HOOK3: variants seen among roughly 807,000 people sequenced by gnomAD.
HOOK3 encodes hook microtubule tethering protein 3, also known as protein Hook homolog 3.
In HOOK3, 24 loss-of-function variants were observed where a neutral mutation model predicts 116.3. That is an observed-to-expected ratio of 0.21 (90% confidence interval 0.15 to 0.29). The LOEUF (loss-of-function observed/expected upper bound fraction) is 0.29. HOOK3 is among the 10% of genes least tolerant of loss of function. The pLI, the probability that HOOK3 is intolerant of heterozygous loss-of-function variation, is 1.00. For missense variants in HOOK3, 632 were observed against 830.2 expected (o/e 0.76, Z 2.93); for synonymous variants, 275 against 283.0 (o/e 0.97, Z 0.28).
At chr8:42,997,857 C>A in intron 16 of HOOK3, 1 of 429,414 alleles carries the variant, frequency 2.3e-6, no homozygotes, top group Admixed American at 3.7e-5. Context: ...AAGTTCATTT[C>A]TAGTTACCAA....
Position 42,897,148 on chromosome 8 carries a change from C to T in HOOK3, c.17C>T (p.Ser6Leu). 8.0e-7 allele frequency: 1 copy of T among 1,248,734 alleles called. No individual in the cohort carries two copies. 77.4% of individuals were successfully genotyped at this position (1,248,734 alleles called of 1,614,324 possible). A position where few individuals can be genotyped will look rare whatever the true frequency, so the allele number is the denominator to read the frequency against. Residue 6 changes from serine to leucine, a missense_variant, in exon 1 of 22, where the codon TCG (serine) becomes TTG (leucine). Ser to Leu is a moderately radical substitution (Grantham distance 145, BLOSUM62 -2). Transcript: ENST00000307602. MFSVE[S>L]LERAELCESL... Reference sequence around the variant, plus strand: ...GCGGGGAAGATGTTCAGCGTAGAGTCGCTGGAGCGGGCGGAGCTGTGCGAG... The same window carrying T: ...GCGGGGAAGATGTTCAGCGTAGAGTTGCTGGAGCGGGCGGAGCTGTGCGAG...
At chr8:42,972,177 C>G (rs1808739251) in intron 11 of HOOK3, among the ~76,000 whole-genome samples, 1 of 151,938 alleles carries the variant, frequency 6.6e-6, no homozygotes, top group Non-Finnish European at 1.5e-5. Context: ...GGATTTTGCT[C>G]TTTCATTAGC....
chr8:43,004,882 A>G (rs187400457), intron 17 of HOOK3, among the ~76,000 whole-genome samples: 2 of 152,220 alleles, frequency 1.3e-5, no homozygotes, highest in Admixed American at 1.3e-4. Context: ...TCTACTATAT[A>G]TATCCAAGAT....
At chr8:42,897,876 A>ACG (rs1271231198) in intron 1 of HOOK3, among the ~76,000 whole-genome samples, 2 of 152,116 alleles carry the variant, frequency 1.3e-5, no homozygotes, top group African/African-American at 2.4e-5. Context: ...GGTCTTCAGG[A>ACG]CGCGGCAGGG....
intron 4 of HOOK3, among the ~76,000 whole-genome samples, chr8:42,937,717 C>A (rs1328491499): frequency 6.6e-6 from 1 of 152,142 alleles, no homozygotes; most frequent in Non-Finnish European, 1.5e-5. Context: ...AGTTTTTAAT[C>A]CTCAGTTCTA....
At chr8:42,915,651 C>T (rs1807519975) in intron 2 of HOOK3, among the ~76,000 whole-genome samples, 1 of 152,172 alleles carries the variant, frequency 6.6e-6, no homozygotes, top group Non-Finnish European at 1.5e-5. Flanking sequence ...AGACTGCTCT[C>T]GAACTGCTGA....
chr8:43,023,279 G>A lies in HOOK3; in HGVS notation c.*4781G>A, dbSNP rs573441485. 51 of 175,728 alleles carry A rather than the reference G, an allele frequency of 2.9e-4. No individual in the cohort carries two copies. Among genetic ancestry groups the A allele is most frequent in the Non-Finnish European group, 4.5e-4 (37 of 82,022 alleles). 10.9% of individuals were successfully genotyped at this position (175,728 alleles called of 1,614,324 possible). A position where few individuals can be genotyped will look rare whatever the true frequency, so the allele number is the denominator to read the frequency against. On this transcript the variant is annotated 3_prime_UTR_variant, in exon 22 of 22. Transcript: ENST00000307602. ...AGTTCTCACAGAAGAATGAAAATCC[G>A]TGCTGTGCAAATAGATCAGTAGTGA...
chr8:43,018,246 C>G (rs895117410), intron 21 of HOOK3, 112 bp from the exon 22 acceptor site: 8 of 986,456 alleles, frequency 8.1e-6, no homozygotes, highest in Non-Finnish European at 1.2e-5. Flanking sequence ...TATTAACATT[C>G]CTAATTGTGC....
chr8:42,976,503 GAAAA>G (rs1481799436), intron 13 of HOOK3, among the ~76,000 whole-genome samples: 1 of 152,024 alleles, frequency 6.6e-6, no homozygotes, highest in African/African-American at 2.4e-5. Flanking sequence ...AAAAGGAAAA[GAAAA>G]GGGCCAATTT....
intron 12 of HOOK3, 73 bp from the exon 13 acceptor site, chr8:42,974,034 G>T: frequency 9.9e-7 from 1 of 1,013,384 alleles, no homozygotes; most frequent in Non-Finnish European, 1.6e-6. Flanking sequence ...ATTCTATTAG[G>T]TAAGGCAGAG....
chr8:42,997,562 A>G lies in HOOK3; in HGVS notation c.1545A>G (p.Gln515=). 6.2e-7 allele frequency: 1 copy of G among 1,604,442 alleles called. No homozygotes were observed. Among genetic ancestry groups the G allele is most frequent in the Non-Finnish European group, 8.5e-7 (1 of 1,174,306 alleles). Residue 515 remains glutamine (Q), a synonymous_variant, in exon 16 of 22, where the codon CAA becomes CAG. Transcript: ENST00000307602. ...ATTTCATTTCTAGGCTGGTGAATCAAAGACTTCTGGAAGTACAGTCACAAG... is the reference window on the plus strand; with the variant it reads ...ATTTCATTTCTAGGCTGGTGAATCAGAGACTTCTGGAAGTACAGTCACAAG... ...ELETENRLVN[Q]RLLEVQSQVE...
In HOOK3 at chr8:42,916,869, C is replaced by T. The variant is rs151145351; in HGVS notation, c.144-8688C>T. ...AAGGTTACTTGGGTCTAAGTCTTTT[C>T]GGCAGCTGTCTTTGCTTTGGCTCAG... is the stretch of plus-strand genomic sequence containing the variant. On this transcript the variant is annotated intron_variant, in intron 2 of 21. Transcript: ENST00000307602. Among the ~76,000 whole-genome samples, 304 of 152,044 alleles carry T rather than the reference C, an allele frequency of 2.0e-3. 2 individuals are homozygous for T. The highest frequency in any genetic ancestry group is 0.011 in the South Asian group (52 of 4,814).
chr8:42,973,236 A>C, intron 11 of HOOK3, 53 bp from the exon 12 acceptor site: 1 of 1,542,950 alleles, frequency 6.5e-7, no homozygotes. Flanking sequence ...GAAAATAAGG[A>C]TAATTTCTAA....
chr8:42,897,738 C>T (rs1412942546), intron 1 of HOOK3, among the ~76,000 whole-genome samples: 2 of 152,268 alleles, frequency 1.3e-5, no homozygotes, highest in Admixed American at 6.5e-5. Flanking sequence ...AACAATGGAA[C>T]TCGAAGGCCT....
At chr8:42,923,544 T>C (rs979921694) in intron 2 of HOOK3, among the ~76,000 whole-genome samples, 4 of 152,204 alleles carry the variant, frequency 2.6e-5, no homozygotes, top group Non-Finnish European at 4.4e-5. Flanking sequence ...AACATGCTAA[T>C]TGAAAGAAGC....
At chr8:42,930,064 A>G in intron 3 of HOOK3, 58 bp from the exon 4 acceptor site, 1 of 1,487,198 alleles carries the variant, frequency 6.7e-7, no homozygotes, top group East Asian at 2.4e-5. Context: ...TTTTTATGTT[A>G]AATTATGTTT....
chr8:42,898,490 G>A, intron 1 of HOOK3, among the ~76,000 whole-genome samples: 1 of 152,064 alleles, frequency 6.6e-6, no homozygotes, highest in East Asian at 1.9e-4. Context: ...ACTAGGCAGG[G>A]GAGAGAGAGA....
chr8:42,922,113 C>A (rs901908275), intron 2 of HOOK3, among the ~76,000 whole-genome samples: 4 of 152,104 alleles, frequency 2.6e-5, no homozygotes, highest in Non-Finnish European at 5.9e-5. Flanking sequence ...TGATTATAGA[C>A]CTAAATATAA....
At chr8:42,922,122 A>G (rs1216428356) in intron 2 of HOOK3, among the ~76,000 whole-genome samples, 2 of 152,224 alleles carry the variant, frequency 1.3e-5, no homozygotes, top group Non-Finnish European at 2.9e-5. Flanking sequence ...ACCTAAATAT[A>G]AGAGCTAAGT....
Sources: gnomAD v4.1 joint callset for allele counts (sites outside exome capture counted in the v4.1 genomes callset) on GRCh38, gnomAD v4.1.1 for gene constraint, MANE v1.5 for transcripts, NCBI Gene and HGNC (gene_info 2026-07-23, HGNC 2026-07-21) for gene names.